ADAM19: variants seen among roughly 807,000 people sequenced by gnomAD.
ADAM19 encodes disintegrin and metalloproteinase domain-containing protein 19.
A neutral mutation model predicts 114.7 loss-of-function variants in ADAM19; 65 were observed. The observed-to-expected ratio is 0.57, with a 90% CI of 0.46 to 0.70. The LOEUF (loss-of-function observed/expected upper bound fraction) is 0.70. ADAM19 is among the 30% of genes least tolerant of loss of function. The pLI is 0.00. For missense variants in ADAM19, 1,063 were observed against 1,204.7 expected, an observed-to-expected ratio of 0.88 and a Z score of 1.74; for synonymous variants, 466 against 460.5, an observed-to-expected ratio of 1.01 and a Z score of -0.15.
At chr5:157,488,634 C>T in intron 20 of ADAM19, 145 bp from the exon 21 acceptor site, 1 of 630,754 alleles carries the variant, frequency 1.6e-6, no homozygotes, top group South Asian at 2.6e-5. Flanking sequence ...TCAGATGCAA[C>T]CTTTAAAGTC....
In ADAM19 at chr5:157,479,835, C is replaced by T; in HGVS notation, c.*1114G>A. The T allele has an allele frequency of 1.0e-6, 1 of 985,574 alleles. No homozygotes were observed. The highest frequency in any genetic ancestry group is 1.2e-6 in the Non-Finnish European group (1 of 830,008). 61.1% of individuals were successfully genotyped at this position (985,574 alleles called of 1,614,324 possible). Reference sequence around the variant, plus strand: ...CCGAAGTCAATGACCAGCCTGCTCCCTCGTGTGTACTTTGTAAATAGCTGG... The same window carrying T: ...CCGAAGTCAATGACCAGCCTGCTCCTTCGTGTGTACTTTGTAAATAGCTGG... On this transcript the variant is annotated 3_prime_UTR_variant, in exon 23 of 23. Transcript: ENST00000257527.
intron 3 of ADAM19, among the ~76,000 whole-genome samples, chr5:157,563,984 G>A (rs1319082060): frequency 1.3e-5 from 2 of 152,164 alleles, no homozygotes. Flanking sequence ...TGCTTTGCTC[G>A]CTCCTCTCTG....
chr5:157,547,192 T>C (rs1757072144), intron 3 of ADAM19, among the ~76,000 whole-genome samples: 1 of 152,082 alleles, frequency 6.6e-6, no homozygotes, highest in Admixed American at 6.5e-5. Flanking sequence ...GTCTAATTAG[T>C]CCATTGAGTC....
intron 16 of ADAM19, 94 bp from the exon 17 acceptor site, chr5:157,492,006 C>CCAT (rs1316236558): frequency 1.1e-5 from 13 of 1,233,654 alleles, no homozygotes; most frequent in Middle Eastern, 2.0e-4. Flanking sequence ...ATATGAGGAC[C>CCAT]CATGGCCCGG....
chr5:157,564,135 G>A lies in ADAM19; in HGVS notation c.251+238C>T, dbSNP rs1045994003. 2.0e-5 allele frequency among the ~76,000 whole-genome samples: 3 copies of A among 152,282 alleles called. No homozygotes were observed. In the East Asian group the frequency reaches 5.8e-4, roughly 29 times the overall value. On this transcript the variant is annotated intron_variant, in intron 3 of 22. Transcript: ENST00000257527. ...TGTGTGCCCGCAGTGAACTCCAGGG[G>A]CCCCTGAAATACTGCCTAAGGAAAT...
chr5:157,495,248 G>T (rs1185964633), intron 14 of ADAM19, among the ~76,000 whole-genome samples: 1 of 151,916 alleles, frequency 6.6e-6, no homozygotes, highest in South Asian at 2.1e-4. Flanking sequence ...TGATCCCCCC[G>T]CCTCGGCCTC....
intron 3 of ADAM19, among the ~76,000 whole-genome samples, chr5:157,550,817 C>T (rs997190314): frequency 5.3e-5 from 8 of 152,122 alleles, no homozygotes; most frequent in African/African-American, 1.7e-4. Context: ...GCAGAGGAGC[C>T]AAGGGCAACT....
intron 11 of ADAM19, among the ~76,000 whole-genome samples, chr5:157,504,329 C>T (rs1227116369): frequency 2.6e-5 from 4 of 152,172 alleles, no homozygotes; most frequent in African/African-American, 9.7e-5. Context: ...TGGCTCACTG[C>T]AACCTTTGCC....
At chr5:157,558,815 T>C (rs1254890464) in intron 3 of ADAM19, among the ~76,000 whole-genome samples, 1 of 152,228 alleles carries the variant, frequency 6.6e-6, no homozygotes, top group East Asian at 1.9e-4. Context: ...GCCCCGTGTG[T>C]TGCTGAAAAA....
rs1756180445 is a variant in ADAM19, at chr5:157,518,850, C to T, written c.639G>A (p.Glu213=). Residue 213 remains glutamate (E), a synonymous_variant, in exon 7 of 23, where the codon GAG becomes GAA. Transcript: ENST00000257527. ...REDLNSMKYV[E]LYLVADYLEF... ...CTAAATAATCAGCCACGAGGTAAAG[C>T]TCCACATACTTCATGGAGTTTAAAT... 2.5e-6 allele frequency: 4 copies of T among 1,614,088 alleles called. No homozygotes were observed. In the South Asian group the frequency reaches 3.3e-5, roughly 13 times the overall value.
Position 157,575,764 on chromosome 5 carries a change from G to T in ADAM19, c.-68C>A. On this transcript the variant is annotated 5_prime_UTR_variant, in exon 1 of 23. Transcript: ENST00000257527. ...CCATACCTGCCCACTGCCCGGCGGT[G>T]GAGGCGCGTCTGGAACCCCCCGGCT... 1 of 1,177,240 alleles carries T rather than the reference G, an allele frequency of 8.5e-7. No individual in the cohort carries two copies. Among genetic ancestry groups the T allele is most frequent in the Non-Finnish European group, 1.1e-6 (1 of 934,156 alleles). 72.9% of individuals were successfully genotyped at this position (1,177,240 alleles called of 1,614,324 possible).
intron 3 of ADAM19, among the ~76,000 whole-genome samples, chr5:157,561,167 G>A (rs150943955): frequency 5.3e-5 from 8 of 152,336 alleles, no homozygotes; most frequent in African/African-American, 1.2e-4. Flanking sequence ...GATGTCATCC[G>A]TGAGTTGCTG....
At chr5:157,569,321 T>G (rs1219441854) in intron 2 of ADAM19, among the ~76,000 whole-genome samples, 2 of 148,568 alleles carry the variant, frequency 1.3e-5, no homozygotes, top group Admixed American at 1.3e-4. Flanking sequence ...TATATCTTAC[T>G]ATAACCTCAA....
chr5:157,565,158 C>T (rs867249133), intron 2 of ADAM19, among the ~76,000 whole-genome samples: 3 of 152,246 alleles, frequency 2.0e-5, no homozygotes, highest in East Asian at 1.9e-4. Flanking sequence ...ATATCCAGAA[C>T]GGATCACTTA....
chr5:157,575,531 C>T, intron 1 of ADAM19, 72 bp downstream of exon 1: 3 of 1,209,646 alleles, frequency 2.5e-6, no homozygotes, highest in Non-Finnish European at 3.3e-6. Flanking sequence ...GGTCCCAGCG[C>T]TCCGGACCCG....
At chr5:157,514,406 A>C (rs375432843) in intron 7 of ADAM19, among the ~76,000 whole-genome samples, 1 of 149,840 alleles carries the variant, frequency 6.7e-6, no homozygotes, top group Non-Finnish European at 1.5e-5. Context: ...CTCGGCTTAC[A>C]ACCTCCGCCT....
At chr5:157,531,867 C>T (rs148359304) in intron 4 of ADAM19, among the ~76,000 whole-genome samples, 61 of 152,170 alleles carry the variant, frequency 4.0e-4, no homozygotes, top group African/African-American at 1.5e-3. Flanking sequence ...CCAGAAGCCA[C>T]CAGAAGCTAG....
At chr5:157,549,420 T>C (rs984858829) in intron 3 of ADAM19, among the ~76,000 whole-genome samples, 91 of 152,362 alleles carry the variant, frequency 6.0e-4, no homozygotes, top group African/African-American at 2.1e-3. Flanking sequence ...TTAGTAGCAC[T>C]ACAGTTTTAG....
chr5:157,499,803 G>C, intron 12 of ADAM19, 141 bp from the exon 13 acceptor site: 1 of 600,160 alleles, frequency 1.7e-6, no homozygotes, highest in African/African-American at 2.1e-5. Flanking sequence ...TTGAGAGGGA[G>C]TCTCGATCTG....
Sources: allele counts gnomAD v4.1 joint callset (sites outside exome capture counted in the v4.1 genomes callset), GRCh38; gene constraint gnomAD v4.1.1; transcripts MANE v1.5; gene names NCBI Gene and HGNC (gene_info 2026-07-23, HGNC 2026-07-21).